The following GLIS3 variants were observed in gnomAD, a reference collection of about 807,000 sequenced individuals.
GLIS3 encodes GLIS family zinc finger 3, also known as zinc finger protein GLIS3.
Under a neutral mutation model 78.6 loss-of-function variants are expected in GLIS3, and 53 were observed. That is an observed-to-expected ratio of 0.67 (90% CI 0.54 to 0.85). The LOEUF (loss-of-function observed/expected upper bound fraction) is 0.85. Ranked by LOEUF, GLIS3 falls within the 40% of genes least tolerant of loss-of-function variation. GLIS3 has a pLI of 0.00. For missense variants in GLIS3, 1,703 were observed against 1,231.1 expected (o/e 1.38, Z -5.74); for synonymous variants, 684 against 509.9 (o/e 1.34, Z -4.60).
chr9:4,467,425 G>A, the GLIS3 span, among the ~76,000 whole-genome samples: 1 of 152,152 alleles, frequency 6.6e-6, no homozygotes. Flanking sequence ...GACCCTCGGA[G>A]ATGAAGCTTC....
At chr9:3,993,452 CAT>C (rs1397975628) in intron 4 of GLIS3, among the ~76,000 whole-genome samples, 1 of 152,084 alleles carries the variant, frequency 6.6e-6, no homozygotes, top group African/African-American at 2.4e-5. Flanking sequence ...AACTTTTTAT[CAT>C]ATAGACAATT....
the GLIS3 span, among the ~76,000 whole-genome samples, chr9:4,356,298 C>T: frequency 1.3e-5 from 2 of 152,160 alleles, no homozygotes; most frequent in Admixed American, 1.3e-4. Flanking sequence ...CTGGTATGTG[C>T]AAGTGATCCA....
chr9:4,051,243 A>G (rs1377763883), intron 4 of GLIS3, among the ~76,000 whole-genome samples: 1 of 152,212 alleles, frequency 6.6e-6, no homozygotes, highest in Non-Finnish European at 1.5e-5. Context: ...CAAGACATTC[A>G]ATTGCTTATT....
At chr9:3,943,959 T>A (rs1816110395) in intron 4 of GLIS3, among the ~76,000 whole-genome samples, 1 of 152,230 alleles carries the variant, frequency 6.6e-6, no homozygotes, top group African/African-American at 2.4e-5. Context: ...AAAATCGGCC[T>A]ATTAACTAGC....
rs371745860 is a variant in GLIS3 at position 3,997,239 on chromosome 9, G to A, written c.1711-60050C>T. 9.3e-4 allele frequency among the ~76,000 whole-genome samples: 142 copies of A among 152,194 alleles called. 3 individuals carry two copies. The South Asian group carries it at 0.027, about 29-fold the overall frequency. ...TGCATGCCTGTAATCCCAGCTACTC[G>A]GGAGGCTGAGGCCGGAGAATCGCTT... On this transcript the variant is annotated intron_variant, in intron 4 of 10. Transcript: ENST00000381971.
At chr9:4,327,929 G>T (rs1415011066) in intron 2 of GLIS3, among the ~76,000 whole-genome samples, 1 of 152,168 alleles carries the variant, frequency 6.6e-6, no homozygotes, top group Non-Finnish European at 1.5e-5. Context: ...TGCTGAAATT[G>T]CATCAAGAGC....
At chr9:3,928,705 G>A (rs540082882) in intron 6 of GLIS3, among the ~76,000 whole-genome samples, 4 of 152,246 alleles carry the variant, frequency 2.6e-5, no homozygotes, top group East Asian at 1.9e-4. Context: ...TGTTGCATTC[G>A]CGCCCATTTC....
chr9:4,338,360 A>T (rs1220000692), intron 2 of GLIS3, among the ~76,000 whole-genome samples: 1 of 141,958 alleles, frequency 7.0e-6, no homozygotes, highest in East Asian at 2.1e-4. Context: ...TCTATTATAT[A>T]TGTGTGTACA....
At chr9:4,292,791 C>T (rs1352847333) in intron 1 of GLIS3, among the ~76,000 whole-genome samples, 3 of 152,156 alleles carry the variant, frequency 2.0e-5, no homozygotes, top group African/African-American at 4.8e-5. Flanking sequence ...TCTTACACTG[C>T]TAAAGTGGGT....
intron 4 of GLIS3, chr9:4,071,648 G>A (rs2130637955): frequency 6.6e-6 from 1 of 152,204 alleles, no homozygotes; most frequent in East Asian, 1.9e-4. Flanking sequence ...GCCAATATTG[G>A]TACCCTTTAG....
chr9:4,009,038 A>T (rs373804775), intron 4 of GLIS3, among the ~76,000 whole-genome samples: 1 of 152,144 alleles, frequency 6.6e-6, no homozygotes, highest in Non-Finnish European at 1.5e-5. Flanking sequence ...CAACTCATCC[A>T]CTTGACCCTC....
rs770989181 is a variant in GLIS3, at chr9:4,117,888, T to C, written c.1590A>G (p.Lys530=). The C allele has an allele frequency of 9.9e-6, 16 of 1,614,082 alleles. No individual in the cohort carries two copies. In the South Asian group the frequency reaches 1.8e-4, roughly 18 times the overall value. ...CCCAGAAGCAAGTGAAGTCCTCCCC[T>C]TTGCGCTGGTCGATGTGGACCTTCT... The part of the protein sequence containing the change: ...HIEKVHIDQR[K]GEDFTCFWAG... The change falls in exon 4 of 11, where the codon AAA becomes AAG. Residue 530 remains lysine, a synonymous_variant. Transcript: ENST00000381971.
At chr9:3,884,934 T>A (rs1327506112) in intron 7 of GLIS3, among the ~76,000 whole-genome samples, 1 of 152,144 alleles carries the variant, frequency 6.6e-6, no homozygotes, top group Non-Finnish European at 1.5e-5. Flanking sequence ...GGCTGCTTGT[T>A]GCCAATAGCC....
At chr9:4,094,719 TTCTCATTTA>T (rs1829802833) in intron 4 of GLIS3, among the ~76,000 whole-genome samples, 1 of 152,200 alleles carries the variant, frequency 6.6e-6, no homozygotes, top group African/African-American at 2.4e-5. Context: ...AGACAACATG[TTCTCATTTA>T]ACATTCCTAA....
chr9:4,319,020 G>A (rs1817480339), intron 2 of GLIS3, among the ~76,000 whole-genome samples: 1 of 152,162 alleles, frequency 6.6e-6, no homozygotes, highest in South Asian at 2.1e-4. Flanking sequence ...CTCAATTGGA[G>A]GGGCATTCTG....
chr9:4,386,812 G>T, the GLIS3 span, among the ~76,000 whole-genome samples: 1 of 152,160 alleles, frequency 6.6e-6, no homozygotes, highest in African/African-American at 2.4e-5. Flanking sequence ...TATGTTCCCT[G>T]CCTCCAGACC....
chr9:4,316,425 A>G (rs142767064), intron 2 of GLIS3, among the ~76,000 whole-genome samples: 22 of 152,346 alleles, frequency 1.4e-4, no homozygotes, highest in African/African-American at 5.1e-4. Context: ...GGGACAGAGT[A>G]GTACAGCAGG....
intron 4 of GLIS3, among the ~76,000 whole-genome samples, chr9:4,023,287 C>A (rs1410701863): frequency 6.6e-6 from 1 of 152,012 alleles, no homozygotes; most frequent in African/African-American, 2.4e-5. Flanking sequence ...TAGTTTAAGT[C>A]CTGTGCAGTA....
intron 2 of GLIS3, among the ~76,000 whole-genome samples, chr9:4,230,719 C>T (rs968061582): frequency 6.6e-6 from 1 of 152,166 alleles, no homozygotes; most frequent in Non-Finnish European, 1.5e-5. Context: ...ACTACAAAAG[C>T]ATCCGTCAAA....
Sources: gnomAD v4.1 joint callset for allele counts (sites outside exome capture counted in the v4.1 genomes callset) on GRCh38, gnomAD v4.1.1 for gene constraint, MANE v1.5 for transcripts, NCBI Gene and HGNC (gene_info 2026-07-23, HGNC 2026-07-21) for gene names.